Variants in INPP4A observed in about 807,000 individuals in gnomAD.
INPP4A encodes the protein inositol polyphosphate-4-phosphatase type I A, also known as inositol polyphosphate-4-phosphatase, type I, 107kD.
INPP4A carries 33 observed loss-of-function variants against 119.8 expected under a neutral mutation model. That is an observed-to-expected ratio of 0.28 (90% CI 0.21 to 0.37). INPP4A has a LOEUF of 0.37. Ranked by LOEUF, INPP4A falls within the 10% of genes least tolerant of loss-of-function variation. INPP4A has a pLI of 1.00. For synonymous variants in INPP4A, 496 were observed against 500.7 expected, an observed-to-expected ratio of 0.99 and a Z score of 0.12; for missense variants, 956 against 1,289.9, an observed-to-expected ratio of 0.74 and a Z score of 3.97.
intron 23 of INPP4A, 75 bp from the exon 24 acceptor site, chr2:98,576,914 C>G: frequency 6.5e-7 from 1 of 1,527,448 alleles, no homozygotes; most frequent in Non-Finnish European, 8.9e-7. Context: ...TGGTTGGGAG[C>G]CTTTCCTGTG....
chr2:98,452,444 T>G lies in INPP4A; in HGVS notation c.-166+7359T>G, dbSNP rs183132520. On this transcript the variant is annotated intron_variant, in intron 1 of 24. Transcript: ENST00000409851. ...AGGTGATTCTGATGCAAGGTCACAT[T>G]GGAGAACAGCTCTTTTAGTTTAATC... Among the ~76,000 whole-genome samples the G allele has an allele frequency of 1.8e-4, 27 of 152,338 alleles. 1 individual carries two copies. In the East Asian group the frequency reaches 4.8e-3, roughly 27 times the overall value.
intron 1 of INPP4A, among the ~76,000 whole-genome samples, chr2:98,448,145 C>T (rs1478501236): frequency 6.6e-6 from 1 of 151,056 alleles, no homozygotes; most frequent in Non-Finnish European, 1.5e-5. Context: ...CACTTGAGTC[C>T]AGGAGTTTGA....
At chr2:98,509,218 A>G (rs893856665) in intron 1 of INPP4A, among the ~76,000 whole-genome samples, 3 of 152,210 alleles carry the variant, frequency 2.0e-5, no homozygotes, top group Non-Finnish European at 4.4e-5. Flanking sequence ...AGGAGTCCAC[A>G]GTCCCCGGGC....
chr2:98,540,120 T>C (rs781329447), intron 10 of INPP4A, among the ~76,000 whole-genome samples: 8 of 152,120 alleles, frequency 5.3e-5, no homozygotes, highest in Admixed American at 1.3e-4. Context: ...TTAGTAGATA[T>C]GGTGTTTCAC....
chr2:98,464,479 C>T (rs934462583), intron 1 of INPP4A, among the ~76,000 whole-genome samples: 2 of 152,182 alleles, frequency 1.3e-5, no homozygotes, highest in Non-Finnish European at 2.9e-5. Flanking sequence ...AACCTCTTTG[C>T]ATGAGTCAAG....
At position 98,554,566 on chromosome 2, in the gene INPP4A, C is replaced by A; in HGVS notation, c.1566+77C>A. 2.3e-6 allele frequency: 3 copies of A among 1,304,884 alleles called. No individual in the cohort carries two copies. The highest frequency in any genetic ancestry group is 2.0e-5 in the Admixed American group (1 of 49,466). The allele number at this position is 1,304,884 out of a possible 1,614,324, so 80.8% of individuals were successfully genotyped here. A position where few individuals can be genotyped will look rare whatever the true frequency, so the allele number is the denominator to read the frequency against. On this transcript the variant is annotated intron_variant, in intron 15 of 24. Coordinates refer to ENST00000409851, the MANE Select transcript of INPP4A (RefSeq NM_001134225.2). The surrounding 1 kb of genome is among the most constrained non-coding windows in gnomAD (Gnocchi z 4.7). ...CACAAAACCTGTTGCCAGTCTCTGC[C>A]CCTCTGAAGTGCCTCAAGGTTCAAC...
intron 1 of INPP4A, among the ~76,000 whole-genome samples, chr2:98,508,017 T>C (rs182014225): frequency 1.3e-5 from 2 of 152,264 alleles, no homozygotes; most frequent in Non-Finnish European, 2.9e-5. Flanking sequence ...TGCAAAACAC[T>C]GTACGGCAAG....
At chr2:98,484,229 C>T (rs1229773573) in intron 1 of INPP4A, among the ~76,000 whole-genome samples, 6 of 152,088 alleles carry the variant, frequency 3.9e-5, no homozygotes, top group African/African-American at 7.3e-5. Flanking sequence ...GTTACTGAGC[C>T]GCTAGCCTTC....
At chr2:98,453,558 C>T (rs890448083) in intron 1 of INPP4A, among the ~76,000 whole-genome samples, 10 of 152,124 alleles carry the variant, frequency 6.6e-5, no homozygotes, top group Non-Finnish European at 1.3e-4. Context: ...GGGGTCCTAA[C>T]CTGTAGGAAG....
intron 1 of INPP4A, among the ~76,000 whole-genome samples, chr2:98,514,906 C>T (rs1685808191): frequency 2.6e-5 from 4 of 151,130 alleles, no homozygotes; most frequent in Admixed American, 1.3e-4. Flanking sequence ...CAGAACAAGA[C>T]CCTGTCTCTA....
intron 1 of INPP4A, among the ~76,000 whole-genome samples, chr2:98,474,460 G>T (rs745886463): frequency 2.0e-5 from 3 of 152,232 alleles, no homozygotes; most frequent in Non-Finnish European, 4.4e-5. Flanking sequence ...GCTACGAAGA[G>T]CCCTGGGTGG....
At chr2:98,512,700 G>A (rs898272023) in intron 1 of INPP4A, among the ~76,000 whole-genome samples, 1 of 152,166 alleles carries the variant, frequency 6.6e-6, no homozygotes, top group African/African-American at 2.4e-5. Context: ...TAAGTGCCCC[G>A]CCTCCCACTA....
chr2:98,490,121 TGAGG>T (rs1410420513), intron 1 of INPP4A, among the ~76,000 whole-genome samples: 4 of 151,364 alleles, frequency 2.6e-5, no homozygotes, highest in Admixed American at 6.6e-5. Context: ...GGCTTGGGCA[TGAGG>T]GAGGGAGGGA....
Position 98,488,935 on chromosome 2 carries a change from CTGTGTGTGTGTG to C in INPP4A, c.-165-29991_-165-29980del, listed in dbSNP as rs55758146. 5.0e-3 allele frequency among the ~76,000 whole-genome samples: 628 copies of C among 126,120 alleles called. 6 individuals carry two copies. The highest frequency in any genetic ancestry group is 0.017 in the African/African-American group (565 of 33,498). 82.7% of individuals were successfully genotyped at this position (126,120 alleles called of 152,430 possible). Reference sequence around the variant, plus strand: ...GGATTCTTGCTTTTGAGTACATGCACTGTGTGTGTGTGTGTGTGTGTGTGTGTGTGTGTGTGT... The same window carrying C: ...GGATTCTTGCTTTTGAGTACATGCACTGTGTGTGTGTGTGTGTGTGTGTGT... On this transcript the variant is annotated intron_variant, in intron 1 of 24. Coordinates refer to ENST00000409851, the MANE Select transcript of INPP4A (RefSeq NM_001134225.2).
chr2:98,478,121 C>A (rs74618860), intron 1 of INPP4A, among the ~76,000 whole-genome samples: 1 of 152,226 alleles, frequency 6.6e-6, no homozygotes, highest in Admixed American at 6.5e-5. Context: ...CTATTTTGGA[C>A]ACTGCCGTAG....
At chr2:98,553,569 GCT>G (rs1485072771) in intron 14 of INPP4A, among the ~76,000 whole-genome samples, 2 of 150,862 alleles carry the variant, frequency 1.3e-5, no homozygotes, top group African/African-American at 2.5e-5. Flanking sequence ...ACACACACAC[GCT>G]CTCATACACA....
At chr2:98,541,244 G>A (rs1207537131) in intron 10 of INPP4A, among the ~76,000 whole-genome samples, 2 of 151,690 alleles carry the variant, frequency 1.3e-5, no homozygotes, top group African/African-American at 2.4e-5. Flanking sequence ...GGAGAATGGC[G>A]TGAACCCAGG....
rs1305934462 is a variant in INPP4A at position 98,548,097 on chromosome 2, GGGGCGTCACTGATCAT to G, written c.1163+1408_1163+1423del. Among the ~76,000 whole-genome samples the G allele has an allele frequency of 5.9e-5, 9 of 151,706 alleles. 1 individual carries two copies. The East Asian group carries it at 1.6e-3, about 26-fold the overall frequency. On this transcript the variant is annotated intron_variant, in intron 13 of 24. Transcript: ENST00000409851. ...GCTGAGGGGGTCAGGGAGGCAGCTA[GGGGCGTCACTGATCAT>G]GGGCAAGGCTGAGCAGGGAACGGAA...
At chr2:98,581,820 C>T (rs1699355896) in intron 24 of INPP4A, 10 of 1,546,724 alleles carry the variant, frequency 6.5e-6, no homozygotes, top group South Asian at 1.2e-5. Flanking sequence ...GTCCAGCCAC[C>T]GTGTACCTAA....
Sources: allele counts gnomAD v4.1 joint callset (sites outside exome capture counted in the v4.1 genomes callset), GRCh38; gene constraint gnomAD v4.1.1; non-coding constraint Gnocchi (gnomAD v3.1); transcripts MANE v1.5; gene names NCBI Gene and HGNC (gene_info 2026-07-23, HGNC 2026-07-21).